Variants in CAPRIN2 observed in about 807,000 individuals in gnomAD.
CAPRIN2 encodes caprin-2.
Under a neutral mutation model 130.4 loss-of-function variants are expected in CAPRIN2, and 66 were observed. The ratio of observed to expected loss-of-function variants is 0.51; its 90% CI spans 0.42 to 0.62. The LOEUF (loss-of-function observed/expected upper bound fraction) is 0.62, where lower values mean the gene tolerates loss of function less well. Among genes scored for constraint, CAPRIN2 ranks in the 20% least tolerant of loss-of-function variants. The probability of loss-of-function intolerance (pLI) is 0.00; values close to 1 mark genes in which losing one functional copy is unlikely to be tolerated. For missense variants in CAPRIN2, 1,185 were observed against 1,246.6 expected (o/e 0.95, Z 0.74); for synonymous variants, 471 against 444.1 (o/e 1.06, Z -0.76).
chr12:30,723,211 G>T (rs1275409789), intron 11 of CAPRIN2, 48 bp downstream of exon 12: 6 of 1,277,616 alleles, frequency 4.7e-6, no homozygotes, highest in Middle Eastern at 1.8e-4. Context: ...CAAAGCAAGA[G>T]CTTCTTCCTT....
chr12:30,726,115 G>A (rs2060853016), intron 8 of CAPRIN2, 27 bp from the exon 10 acceptor site: 1 of 1,391,662 alleles, frequency 7.2e-7, no homozygotes, highest in Non-Finnish European at 9.4e-7. Flanking sequence ...TAATGTGTAA[G>A]AGTGAAATGC....
At chr12:30,726,024 C>T (rs746854233) in exon 9 of CAPRIN2, 1 of 1,601,910 alleles carries the variant, frequency 6.2e-7, no homozygotes, top group South Asian at 1.1e-5. Flanking sequence ...TTTTTCTTTC[C>T]TCAATACTGG....
intron 2 of CAPRIN2, among the ~76,000 whole-genome samples, chr12:30,741,898 T>C (rs1003513687): frequency 1.3e-5 from 2 of 151,942 alleles, no homozygotes; most frequent in Non-Finnish European, 2.9e-5. Context: ...AATCCAAATA[T>C]CCAGCAACTG....
chr12:30,753,634 GTATAAAATTAGGAC>G lies in CAPRIN2; in HGVS notation c.116_129del (p.Ser39ThrfsTer2), dbSNP rs1377529630. ...GCTGAAGGAGGTGGGGGAAAGTTAAGTATAAAATTAGGACTAGAGGGACACAGCCAGGCAATAAC... is the reference window on the plus strand; with the variant it reads ...GCTGAAGGAGGTGGGGGAAAGTTAAGTAGAGGGACACAGCCAGGCAATAAC... On this transcript the variant is annotated frameshift_variant, in exon 1 of 17. Coordinates refer to ENST00000298892, the Ensembl canonical transcript of CAPRIN2. LOFTEE classifies it high-confidence loss of function. 6.2e-7 allele frequency: 1 copy of G among 1,614,158 alleles called. No individual in the cohort carries two copies. Among genetic ancestry groups the G allele is most frequent in the African/African-American group, 1.3e-5 (1 of 75,054 alleles).
intron 2 of CAPRIN2, among the ~76,000 whole-genome samples, chr12:30,750,838 A>C (rs2073405633): frequency 6.6e-6 from 1 of 151,548 alleles, no homozygotes; most frequent in African/African-American, 2.4e-5. Flanking sequence ...CTACACTTTC[A>C]CTCCTGTTAA....
In CAPRIN2 at chr12:30,733,860, T is replaced by C. The variant is rs371213902; in HGVS notation, c.810-149A>G. ...CTCTTTGGAAATAAAAAAATTGAAATGTATACAAGATGACTAAATGCCTGC... is the reference window on the plus strand; with the variant it reads ...CTCTTTGGAAATAAAAAAATTGAAACGTATACAAGATGACTAAATGCCTGC... On this transcript the variant is annotated intron_variant, in intron 4 of 16. Transcript: ENST00000298892. 6.3e-5 allele frequency: 39 copies of C among 623,902 alleles called. No homozygotes were observed. The Middle Eastern group carries it at 3.7e-3, about 60-fold the overall frequency. The allele number at this position is 623,902 out of a possible 1,614,324, so 38.6% of individuals were successfully genotyped here. A position where few individuals can be genotyped will look rare whatever the true frequency, so the allele number is the denominator to read the frequency against.
At chr12:30,753,997 C>G (rs1219130323) in exon 1 of CAPRIN2, 1 of 477,016 alleles carries the variant, frequency 2.1e-6, no homozygotes, top group Non-Finnish European at 3.7e-6. Flanking sequence ...TAAGGCTGAG[C>G]CACTCAAACC....
intron 8 of CAPRIN2, among the ~76,000 whole-genome samples, chr12:30,727,905 A>C (rs2061410512): frequency 6.6e-6 from 1 of 152,216 alleles, no homozygotes; most frequent in Admixed American, 6.5e-5. Flanking sequence ...AGTGACCATA[A>C]ATGAGTAGAA....
intron 2 of CAPRIN2, among the ~76,000 whole-genome samples, chr12:30,742,532 C>T (rs10843832): frequency 0.29 from 43,657 of 151,802 alleles, 6,470 homozygotes; most frequent in Non-Finnish European, 0.33. Flanking sequence ...TCCATCTATT[C>T]AGACACTAAA....
chr12:30,729,167 C>T (rs769685647), exon 8 of CAPRIN2: 60 of 1,613,924 alleles, frequency 3.7e-5, no homozygotes, highest in Non-Finnish European at 4.8e-5. Context: ...CCTCCCAGGA[C>T]TTAAAGGACT....
At chr12:30,723,391 T>C (rs1413467958) in intron 10 of CAPRIN2, 77 bp from the exon 12 acceptor site, 1 of 970,904 alleles carries the variant, frequency 1.0e-6, no homozygotes, top group Non-Finnish European at 1.6e-6. Flanking sequence ...GAAACTAAAG[T>C]TTACACTTCA....
At chr12:30,711,467 G>A in intron 16 of CAPRIN2, 99 bp downstream of exon 18, 2 of 938,748 alleles carry the variant, frequency 2.1e-6, no homozygotes, top group South Asian at 1.4e-5. Flanking sequence ...CAAGATAAAT[G>A]CTAAAAAGCA....
chr12:30,728,779 T>G, exon 8 of CAPRIN2: 1 of 1,614,142 alleles, frequency 6.2e-7, no homozygotes, highest in Non-Finnish European at 8.5e-7. Flanking sequence ...CTCTCAACAT[T>G]GTTTTCCCAG....
chr12:30,711,654 C>G lies in CAPRIN2; in HGVS notation c.2602-25G>C, dbSNP rs1230100068. The stretch of plus-strand genomic sequence containing the variant: ...CCTAAAGTGAACATATAATATTTAC[C>G]TTGGCATCAAAAATGCAGGACTATA... On this transcript the variant is annotated intron_variant, in intron 15 of 16. Transcript: ENST00000298892. The G allele has an allele frequency of 4.4e-6, 7 of 1,589,910 alleles. No individual in the cohort carries two copies. In the East Asian group the frequency reaches 1.6e-4, roughly 36 times the overall value.
At chr12:30,720,684 T>C (rs1411778839) in intron 12 of CAPRIN2, 127 bp downstream of exon 13, 12 of 612,958 alleles carry the variant, frequency 2.0e-5, no homozygotes, top group Middle Eastern at 4.4e-4. Flanking sequence ...ACAATATCTA[T>C]AGAAAGCAAT....
Position 30,710,348 on chromosome 12 carries a change from G to C in CAPRIN2, c.2788C>G (p.Pro930Ala). 1 of 1,614,094 alleles carries C rather than the reference G, an allele frequency of 6.2e-7. No individual in the cohort carries two copies. ...TGTACTGGCAGTATGGTGGCTGCTG[G>C]ATTTGTCACTGGCACATCCACAGGG... is the stretch of plus-strand genomic sequence containing the variant. Residue 930 changes from proline to alanine, a missense_variant, in exon 17 of 17, where the codon CCA (proline) becomes GCA (alanine). By Grantham distance (27) the Pro-to-Ala change is conservative. Around this residue, in one of 2 missense-constraint regions of CAPRIN2, gnomAD observed 1,104 missense variants for 1,104.3 expected, o/e 1.00. Transcript: ENST00000298892. This position sits in a 1 kb window ranked among gnomAD's most constrained non-coding sequence, Gnocchi z 4.8.
chr12:30,711,666 A>T (rs1565532902), intron 15 of CAPRIN2, 37 bp from the exon 18 acceptor site: 1 of 1,528,918 alleles, frequency 6.5e-7, no homozygotes, highest in East Asian at 2.3e-5. Flanking sequence ...TGGCATCAAA[A>T]ATGCAGGACT....
exon 8 of CAPRIN2, chr12:30,728,963 C>G: frequency 6.2e-7 from 1 of 1,614,182 alleles, no homozygotes; most frequent in Non-Finnish European, 8.5e-7. Flanking sequence ...TCTCCTGTTT[C>G]TTTTGTTCCT....
intron 12 of CAPRIN2, 98 bp downstream of exon 13, chr12:30,720,713 T>C: frequency 1.4e-6 from 1 of 739,040 alleles, no homozygotes; most frequent in Non-Finnish European, 2.4e-6. Context: ...AAAGTATAAA[T>C]GTTACATCAT....
Sources: allele counts gnomAD v4.1 joint callset (sites outside exome capture counted in the v4.1 genomes callset), GRCh38; gene constraint gnomAD v4.1.1; regional missense constraint gnomAD v4.1.1; non-coding constraint Gnocchi (gnomAD v3.1); transcripts MANE v1.5; gene names NCBI Gene and HGNC (gene_info 2026-07-23, HGNC 2026-07-21).